The following LAMA1 variants were observed in gnomAD, a reference collection of about 807,000 sequenced individuals.
LAMA1 encodes the protein laminin subunit alpha-1.
LAMA1 carries 219 observed loss-of-function variants against 348.7 expected under a neutral mutation model. The ratio of observed to expected loss-of-function variants is 0.63; its 90% CI spans 0.56 to 0.70. The LOEUF (loss-of-function observed/expected upper bound fraction) is 0.70. Among genes scored for constraint, LAMA1 ranks in the 30% least tolerant of loss-of-function variants. The pLI is 0.00. For missense variants in LAMA1, 3,744 were observed against 3,888.0 expected, an observed-to-expected ratio of 0.96 and a Z score of 0.99; for synonymous variants, 1,487 against 1,491.0, an observed-to-expected ratio of 1.00 and a Z score of 0.06.
intron 1 of LAMA1, among the ~76,000 whole-genome samples, chr18:7,100,209 G>A (rs2058286207): frequency 6.6e-6 from 1 of 152,030 alleles, no homozygotes; most frequent in Non-Finnish European, 1.5e-5. Flanking sequence ...CAAAATACTT[G>A]AATAGACATT....
At chr18:7,116,660 T>C (rs2058357690) in intron 1 of LAMA1, among the ~76,000 whole-genome samples, 1 of 152,140 alleles carries the variant, frequency 6.6e-6, no homozygotes, top group Non-Finnish European at 1.5e-5. Flanking sequence ...CTGCATACAT[T>C]AAGATGTTTT....
intron 16 of LAMA1, among the ~76,000 whole-genome samples, chr18:7,030,776 C>T (rs1350605249): frequency 6.6e-6 from 1 of 152,068 alleles, no homozygotes; most frequent in East Asian, 1.9e-4. Flanking sequence ...GAGAAATCTA[C>T]TCTTTCAGCC....
In LAMA1 at chr18:6,953,220, A is replaced by ACGC. The variant is rs879897546; in HGVS notation, c.8207+2132_8207+2133insGCG. Reference sequence around the variant, plus strand: ...ATGTCTGCCCGTGTCCAGCGGATCCACACCATAGGAGCCATGGGCCCATTG... The same window carrying ACGC: ...ATGTCTGCCCGTGTCCAGCGGATCCACGCCACCATAGGAGCCATGGGCCCATTG... On this transcript the variant is annotated intron_variant, in intron 57 of 62. Transcript: ENST00000389658. 5.4e-3 allele frequency among the ~76,000 whole-genome samples: 807 copies of ACGC among 150,498 alleles called. 28 individuals carry two copies. Among genetic ancestry groups the ACGC allele is most frequent in the African/African-American group, 0.019 (747 of 39,844 alleles).
At chr18:6,955,885 T>A in intron 56 of LAMA1, 1 of 351,412 alleles carries the variant, frequency 2.8e-6, no homozygotes, top group Non-Finnish European at 5.6e-6. Context: ...ACAGGTGACA[T>A]GTTTTGCAGG....
chr18:7,010,512 T>C, intron 25 of LAMA1, 127 bp from the exon 26 acceptor site: 3 of 900,374 alleles, frequency 3.3e-6, no homozygotes, highest in South Asian at 2.9e-5. Flanking sequence ...GTGAAATTTG[T>C]TGTCTGGAAT....
intron 53 of LAMA1, chr18:6,959,761 T>A (rs1447755129): frequency 7.1e-6 from 3 of 424,904 alleles, no homozygotes; most frequent in Non-Finnish European, 1.3e-5. Context: ...TATTGCTACA[T>A]TAGATACCAA....
At chr18:7,012,444 C>A (rs2057865154) in intron 23 of LAMA1, among the ~76,000 whole-genome samples, 1 of 150,630 alleles carries the variant, frequency 6.6e-6, no homozygotes. Flanking sequence ...TTCTGATGAT[C>A]CCTGGGTGTG....
chr18:7,043,616 C>A (rs2058029649), intron 7 of LAMA1, among the ~76,000 whole-genome samples: 1 of 152,142 alleles, frequency 6.6e-6, no homozygotes, highest in Non-Finnish European at 1.5e-5. Context: ...TTTGACCCAG[C>A]AAACCATCTC....
intron 62 of LAMA1, among the ~76,000 whole-genome samples, chr18:6,942,773 C>T (rs2057505040): frequency 6.6e-6 from 1 of 152,102 alleles, no homozygotes; most frequent in Admixed American, 6.6e-5. Context: ...AGTCATACAA[C>T]AGGTGTTTAT....
chr18:7,052,489 G>C (rs1296637999), intron 3 of LAMA1, among the ~76,000 whole-genome samples: 1 of 151,862 alleles, frequency 6.6e-6, no homozygotes, highest in Non-Finnish European at 1.5e-5. Flanking sequence ...CACTTTGGGA[G>C]GCCGAGGCAG....
intron 1 of LAMA1, among the ~76,000 whole-genome samples, chr18:7,096,943 C>T (rs1289755544): frequency 4.6e-5 from 7 of 152,278 alleles, no homozygotes; most frequent in Admixed American, 1.3e-4. Context: ...TACCCCAGCC[C>T]GTCGGCAGGG....
At position 6,971,712 on chromosome 18, in the gene LAMA1, C is replaced by A. The variant is rs1600359954; in HGVS notation, c.6899+145G>T. 1.0e-5 allele frequency: 11 copies of A among 1,102,194 alleles called. No individual in the cohort carries two copies. The East Asian group carries it at 2.7e-4, about 27-fold the overall frequency. 68.3% of individuals were successfully genotyped at this position (1,102,194 alleles called of 1,614,324 possible). ...TTTTGACAATAAACGTATGAAAAAG[C>A]ATGGCTTTGTAATTGGCAGCTAAAC... On this transcript the variant is annotated intron_variant, in intron 48 of 62. Coordinates refer to ENST00000389658, the MANE Select transcript of LAMA1 (RefSeq NM_005559.4).
chr18:6,989,930 C>T (rs1274947762), intron 36 of LAMA1, among the ~76,000 whole-genome samples: 3 of 152,072 alleles, frequency 2.0e-5, no homozygotes, highest in East Asian at 1.9e-4. Flanking sequence ...AGGAATCTGC[C>T]CAGGAGTTCA....
At chr18:6,960,206 A>G (rs1475608456) in intron 53 of LAMA1, 1 of 156,192 alleles carries the variant, frequency 6.4e-6, no homozygotes, top group Non-Finnish European at 1.4e-5. Flanking sequence ...GGACTCAAAC[A>G]AATACTTATC....
chr18:7,082,753 A>G (rs1464120743), intron 1 of LAMA1, among the ~76,000 whole-genome samples: 1 of 152,252 alleles, frequency 6.6e-6, no homozygotes, highest in Non-Finnish European at 1.5e-5. Flanking sequence ...TTAGATTTAC[A>G]GTACAATCAA....
chr18:7,088,992 G>T (rs537517468), intron 1 of LAMA1, among the ~76,000 whole-genome samples: 1 of 151,224 alleles, frequency 6.6e-6, no homozygotes, highest in East Asian at 2.0e-4. Flanking sequence ...GAGACAGTGA[G>T]ACTTTGTCTC....
At chr18:6,956,974 C>CA (rs2057581956) in intron 55 of LAMA1, 1 of 584,158 alleles carries the variant, frequency 1.7e-6, no homozygotes, top group African/African-American at 1.9e-5. Context: ...CTTGCAATGG[C>CA]ACCCAGCCTA....
intron 1 of LAMA1, among the ~76,000 whole-genome samples, chr18:7,115,812 T>TCCAAA (rs1555671000): frequency 4.3e-4 from 7 of 16,206 alleles, no homozygotes; most frequent in Middle Eastern, 0.083. Context: ...CCACTAAAAA[T>TCCAAA]ACAAAAAAAA....
intron 3 of LAMA1, 28 bp from the exon 4 acceptor site, chr18:7,050,964 A>G (rs2058060488): frequency 1.9e-6 from 3 of 1,613,016 alleles, no homozygotes; most frequent in Non-Finnish European, 1.7e-6. Flanking sequence ...AAAAGTCTCA[A>G]TCCAGAATCA....
Sources: allele counts gnomAD v4.1 joint callset (sites outside exome capture counted in the v4.1 genomes callset), GRCh38; gene constraint gnomAD v4.1.1; transcripts MANE v1.5; gene names NCBI Gene and HGNC (gene_info 2026-07-23, HGNC 2026-07-21).